Variants in CLMN observed in about 807,000 individuals in gnomAD.
CLMN encodes the protein calmin (calponin-like, transmembrane).
CLMN carries 57 observed loss-of-function variants against 92.7 expected under a neutral mutation model. The observed-to-expected ratio is 0.61, with a 90% confidence interval of 0.50 to 0.77. CLMN has a LOEUF of 0.77. Among genes scored for constraint, CLMN ranks in the 30% least tolerant of loss-of-function variants. The pLI is 0.00. For missense variants in CLMN, 1,158 were observed against 1,237.5 expected (o/e 0.94, Z 0.96); for synonymous variants, 466 against 470.6 (o/e 0.99, Z 0.13).
intron 10 of CLMN, 57 bp downstream of exon 10, chr14:95,196,441 A>G (rs1349401673): frequency 2.0e-6 from 3 of 1,535,504 alleles, no homozygotes; most frequent in Non-Finnish European, 2.6e-6. Context: ...AGAAACTGCA[A>G]ATAACTCTCT....
At chr14:95,305,516 C>A (rs1901241197) in intron 1 of CLMN, among the ~76,000 whole-genome samples, 1 of 152,044 alleles carries the variant, frequency 6.6e-6, no homozygotes, top group African/African-American at 2.4e-5. Context: ...GAAAGCAGAA[C>A]AAAGAGCAAA....
chr14:95,193,973 A>C lies in CLMN; in HGVS notation c.2770-54T>G, dbSNP rs1896627467. 1.6e-5 allele frequency: 26 copies of C among 1,599,106 alleles called. 1 individual carries two copies. In the South Asian group the frequency reaches 2.7e-4, roughly 17 times the overall value. ...CCGCAACCCAATTAGTAAAGATGAA[A>C]TCTCTGAAACAGAAGATAAAACGAT... On this transcript the variant is annotated intron_variant, in intron 11 of 12. Coordinates refer to ENST00000298912, the MANE Select transcript of CLMN (RefSeq NM_024734.4).
chr14:95,242,232 C>CTTTTCTT (rs1898270775), intron 1 of CLMN, among the ~76,000 whole-genome samples: 1 of 104,704 alleles, frequency 9.6e-6, no homozygotes, highest in Admixed American at 9.4e-5. Flanking sequence ...TCAGGCATTT[C>CTTTTCTT]TTTTCTTTTT....
rs1226815146 is a variant in CLMN, at chr14:95,209,405, T to C, written c.875A>G (p.Glu292Gly). The change falls in exon 8 of 13, where the codon GAG (glutamate) becomes GGG (glycine). Residue 292 changes from glutamate (E) to glycine (G), a missense_variant. Glu to Gly is a moderately conservative substitution (Grantham distance 98, BLOSUM62 -2). Coordinates refer to ENST00000298912, the MANE Select transcript of CLMN (RefSeq NM_024734.4). ...GAAAAGCAAACATACGGCTTCCAAC[T>C]CCGGAAAACGTTCTAGAAACTGTGC... is the stretch of plus-strand genomic sequence containing the variant. ...YVAQFLERFPELEAEDIFDSD... is the reference protein window; with the variant it reads ...YVAQFLERFPGLEAEDIFDSD... 2 of 1,613,882 alleles carry C rather than the reference T, an allele frequency of 1.2e-6. No individual in the cohort carries two copies. The highest frequency in any genetic ancestry group is 1.7e-6 in the Non-Finnish European group (2 of 1,179,950).
intron 1 of CLMN, among the ~76,000 whole-genome samples, chr14:95,286,469 G>A (rs1054491117): frequency 1.3e-5 from 2 of 152,192 alleles, no homozygotes; most frequent in African/African-American, 4.8e-5. Context: ...GTTTCCAGGA[G>A]ATAGAGGGAT....
chr14:95,193,639 C>T (rs891254069), intron 12 of CLMN, among the ~76,000 whole-genome samples: 10 of 152,160 alleles, frequency 6.6e-5, no homozygotes, highest in Non-Finnish European at 1.3e-4. Context: ...CGGGCCCTAA[C>T]CATCAGTGTT....
At chr14:95,263,354 C>G (rs1899335061) in intron 1 of CLMN, among the ~76,000 whole-genome samples, 1 of 152,184 alleles carries the variant, frequency 6.6e-6, no homozygotes, top group African/African-American at 2.4e-5. Context: ...GATTCAATTA[C>G]CTCCCGCCAG....
intron 5 of CLMN, among the ~76,000 whole-genome samples, 188 bp from the exon 6 acceptor site, chr14:95,213,597 G>A (rs553291987): frequency 3.7e-4 from 57 of 152,166 alleles, no homozygotes; most frequent in African/African-American, 1.4e-3. Flanking sequence ...TGGCCTGTCC[G>A]TTTCTTGTGG....
chr14:95,291,170 G>A (rs1048970711), intron 1 of CLMN, among the ~76,000 whole-genome samples: 6 of 152,356 alleles, frequency 3.9e-5, no homozygotes, highest in East Asian at 3.9e-4. Flanking sequence ...CTGTGACAGC[G>A]TCCCTGGTTA....
At chr14:95,242,054 T>C (rs1345604476) in intron 1 of CLMN, among the ~76,000 whole-genome samples, 1 of 151,916 alleles carries the variant, frequency 6.6e-6, no homozygotes, top group Non-Finnish European at 1.5e-5. Context: ...AGAAACCCTG[T>C]AGGTTACAAA....
chr14:95,190,224 T>C lies in CLMN; in HGVS notation c.*1340A>G, dbSNP rs545379038. 104 of 152,362 alleles carry C rather than the reference T, an allele frequency of 6.8e-4. No homozygotes were observed. The highest frequency in any genetic ancestry group is 2.4e-3 in the African/African-American group (100 of 41,578). 9.4% of individuals were successfully genotyped at this position (152,362 alleles called of 1,614,324 possible). On this transcript the variant is annotated 3_prime_UTR_variant, in exon 13 of 13. Transcript: ENST00000298912. ...TTTTAATCTAGTCATTTTATCTTTTTCTCAGGACATTGGTGTGCCCAGTGG... is the reference window on the plus strand; with the variant it reads ...TTTTAATCTAGTCATTTTATCTTTTCCTCAGGACATTGGTGTGCCCAGTGG...
intron 1 of CLMN, among the ~76,000 whole-genome samples, chr14:95,230,649 A>T (rs569495584): frequency 6.6e-6 from 1 of 152,290 alleles, no homozygotes; most frequent in East Asian, 1.9e-4. Flanking sequence ...GTCATCTCCC[A>T]GCTTTGTGTG....
intron 1 of CLMN, among the ~76,000 whole-genome samples, chr14:95,309,062 GGA>G (rs1901414221): frequency 6.6e-6 from 1 of 152,162 alleles, no homozygotes; most frequent in South Asian, 2.1e-4. Context: ...AGTCAAGGAG[GGA>G]GAGGGAGGCT....
At chr14:95,208,093 A>C (rs1331122359) in intron 8 of CLMN, among the ~76,000 whole-genome samples, 1 of 152,122 alleles carries the variant, frequency 6.6e-6, no homozygotes, top group African/African-American at 2.4e-5. Flanking sequence ...CCAGCTAGAA[A>C]AGCAGCTCCC....
rs752267860 is a variant in CLMN at position 95,191,644 on chromosome 14, T to A, written c.2929A>T (p.Met977Leu). The A allele has an allele frequency of 6.2e-7, 1 of 1,613,684 alleles. No homozygotes were observed. Among genetic ancestry groups the A allele is most frequent in the South Asian group, 1.1e-5 (1 of 91,078 alleles). Residue 977 changes from methionine (M) to leucine (L), a missense_variant, in exon 13 of 13, where the codon ATG becomes TTG. Transcript: ENST00000298912. This position sits in a 1 kb window ranked among gnomAD's most constrained non-coding sequence, Gnocchi z 5.3. ...CACAGGAAGAGAATAAAATACATCA[T>A]ATCCGGCTGCTGGACAAGCTGTGTC... is the stretch of plus-strand genomic sequence containing the variant. ...SLTQLVQQPD[M>L]MYFILFLWLL...
chr14:95,319,781 G>A lies in CLMN; in HGVS notation c.12C>T (p.His4=), dbSNP rs367887539. 92 of 1,581,652 alleles carry A rather than the reference G, an allele frequency of 5.8e-5. No homozygotes were observed. Among genetic ancestry groups the A allele is most frequent in the Non-Finnish European group, 7.8e-5 (91 of 1,170,164 alleles). The part of the protein sequence containing the change: MAA[H]EWDWFQREEL... ...CCTCGCGTTGGAACCAGTCCCACTC[G>A]TGTGCAGCCATGAAGCGCGGGCGGG... Residue 4 remains histidine, a synonymous_variant, in exon 1 of 13, where the codon CAC becomes CAT. Transcript: ENST00000298912.
At chr14:95,252,835 T>C (rs1898843275) in intron 1 of CLMN, among the ~76,000 whole-genome samples, 1 of 152,026 alleles carries the variant, frequency 6.6e-6, no homozygotes, top group Admixed American at 6.5e-5. Context: ...GCCGGGAGGG[T>C]AAAGCATCCT....
chr14:95,302,311 A>G (rs1213396234), intron 1 of CLMN, among the ~76,000 whole-genome samples: 4 of 152,132 alleles, frequency 2.6e-5, no homozygotes, highest in Non-Finnish European at 5.9e-5. Flanking sequence ...AAAATTAAAA[A>G]AATTAAAACA....
intron 1 of CLMN, among the ~76,000 whole-genome samples, chr14:95,239,228 C>G (rs760297084): frequency 6.6e-6 from 1 of 152,128 alleles, no homozygotes; most frequent in Non-Finnish European, 1.5e-5. Flanking sequence ...ACTCACACAC[C>G]CAGTTAGCAG....
Sources: allele counts gnomAD v4.1 joint callset (sites outside exome capture counted in the v4.1 genomes callset), GRCh38; gene constraint gnomAD v4.1.1; non-coding constraint Gnocchi (gnomAD v3.1); transcripts MANE v1.5; gene names NCBI Gene and HGNC (gene_info 2026-07-23, HGNC 2026-07-21).